The following SPART variants were observed in gnomAD, a reference collection of about 807,000 sequenced individuals.
The protein encoded by SPART is spastic paraplegia 20 (Troyer syndrome).
In SPART, 35 loss-of-function variants were observed where a neutral mutation model predicts 58.7. The observed-to-expected ratio is 0.60, with a 90% CI of 0.46 to 0.79. SPART has a LOEUF of 0.79. Among genes scored for constraint, SPART ranks in the 30% least tolerant of loss-of-function variants. SPART has a pLI of 0.00. For missense variants in SPART, 730 were observed against 786.1 expected (o/e 0.93, Z 0.85); for synonymous variants, 284 against 280.7 (o/e 1.01, Z -0.12).
intron 6 of SPART, 101 bp from the exon 7 acceptor site, chr13:36,312,578 T>C: frequency 2.4e-6 from 3 of 1,240,136 alleles, no homozygotes; most frequent in Non-Finnish European, 3.5e-6. Context: ...CTAAATTGTT[T>C]TACTATATAA....
chr13:36,341,260 T>A (rs1295788285), intron 1 of SPART, among the ~76,000 whole-genome samples: 1 of 152,180 alleles, frequency 6.6e-6, no homozygotes, highest in Non-Finnish European at 1.5e-5. Context: ...AGCAACTATG[T>A]CAAACAGAAC....
intron 1 of SPART, among the ~76,000 whole-genome samples, chr13:36,359,674 C>G (rs1156995749): frequency 6.6e-6 from 1 of 152,134 alleles, no homozygotes; most frequent in Non-Finnish European, 1.5e-5. Context: ...CTGTACTCCA[C>G]AAGAGACAGC....
At chr13:36,331,921 G>C (rs1321702714) in intron 2 of SPART, among the ~76,000 whole-genome samples, 2 of 151,934 alleles carry the variant, frequency 1.3e-5, no homozygotes, top group East Asian at 1.9e-4. Context: ...GTAAATTAAG[G>C]TTTTCGTTAT....
chr13:36,362,916 A>G (rs1885919737), intron 1 of SPART, among the ~76,000 whole-genome samples: 1 of 152,190 alleles, frequency 6.6e-6, no homozygotes, highest in Non-Finnish European at 1.5e-5. Context: ...CCTCTGTATT[A>G]ACTAATTTTC....
At chr13:36,304,830 T>G (rs1277451324) in intron 8 of SPART, among the ~76,000 whole-genome samples, 198 bp from the exon 9 acceptor site, 1 of 152,190 alleles carries the variant, frequency 6.6e-6, no homozygotes, top group South Asian at 2.1e-4. Flanking sequence ...ATTTTCTCCT[T>G]TAGTAAAAAC....
At position 36,303,841 on chromosome 13, in the gene SPART, T is replaced by C. The variant is rs1054141; in HGVS notation, c.*524A>G. The C allele has an allele frequency of 0.24, 37,681 of 154,252 alleles. 5,003 individuals carry two copies. The highest frequency in any genetic ancestry group is 0.51 in the East Asian group (2,659 of 5,194). The allele number at this position is 154,252 out of a possible 1,614,324, so 9.6% of individuals were successfully genotyped here. On this transcript the variant is annotated 3_prime_UTR_variant, in exon 9 of 9. Transcript: ENST00000438666. ...CAGTCTTTCCCTGTTTTGAACAAGT[T>C]TTTTTGAGAATTCTTAGTTTTAGTT...
Position 36,354,448 on chromosome 13 carries a change from G to A in SPART, c.-3+15641C>T, listed in dbSNP as rs192457011. 6.6e-5 allele frequency among the ~76,000 whole-genome samples: 10 copies of A among 152,052 alleles called. No individual in the cohort carries two copies. In the East Asian group the frequency reaches 1.9e-3, roughly 29 times the overall value. On this transcript the variant is annotated intron_variant, in intron 1 of 8. Coordinates refer to the SPART transcript ENST00000355182. ...TGGGAGCTTGATTCTGAGTTGCGGA[G>A]GTCAACCCTACAGGCACTGCATGCC...
At chr13:36,361,358 T>G (rs1885853322) in intron 1 of SPART, among the ~76,000 whole-genome samples, 1 of 152,152 alleles carries the variant, frequency 6.6e-6, no homozygotes, top group African/African-American at 2.4e-5. Flanking sequence ...GAGGGAACAT[T>G]AATATAATTT....
chr13:36,362,045 C>A (rs1019598311), intron 1 of SPART, among the ~76,000 whole-genome samples: 10 of 152,134 alleles, frequency 6.6e-5, no homozygotes, highest in Non-Finnish European at 5.9e-5. Flanking sequence ...TTGTACTAGA[C>A]CCCAGGCAAA....
chr13:36,361,345 C>A (rs564596540), intron 1 of SPART, among the ~76,000 whole-genome samples: 20 of 152,248 alleles, frequency 1.3e-4, no homozygotes, highest in South Asian at 4.1e-4. Flanking sequence ...ACAAGCACCA[C>A]CAGAGGGAAC....
At chr13:36,339,484 T>TA (rs1395396009) in intron 1 of SPART, among the ~76,000 whole-genome samples, 7 of 151,236 alleles carry the variant, frequency 4.6e-5, no homozygotes, top group African/African-American at 1.7e-4. Context: ...ACAAAAAAAT[T>TA]TCCAGGGCAT....
chr13:36,331,410 G>A lies in SPART; in HGVS notation c.997C>T (p.Leu333Phe), dbSNP rs781095727. ...FEDLLRQMSD[L>F]RLQANWNRAE... ...ATCACACAAGTTACCTGGAGCCGAA[G>A]GTCAGACATTTGCCTTAACAGATCC... Residue 333 changes from leucine (L) to phenylalanine (F), a missense_variant, in exon 3 of 9, where the codon CTT becomes TTT. Leu to Phe is a conservative substitution (Grantham distance 22). Transcript: ENST00000438666. 6.2e-7 allele frequency: 1 copy of A among 1,613,870 alleles called. No homozygotes were observed.
chr13:36,344,372 A>G (rs931008927), intron 1 of SPART, among the ~76,000 whole-genome samples: 3 of 152,292 alleles, frequency 2.0e-5, no homozygotes. Context: ...ACTGAGAAAG[A>G]AGAGTGTGCC....
chr13:36,338,011 T>C (rs1053714912), intron 1 of SPART, among the ~76,000 whole-genome samples: 2 of 152,124 alleles, frequency 1.3e-5, no homozygotes, highest in African/African-American at 4.8e-5. Flanking sequence ...CTGCAAAACT[T>C]ATGGTCAAAG....
chr13:36,338,896 C>T (rs754879888), intron 1 of SPART, among the ~76,000 whole-genome samples: 7 of 151,976 alleles, frequency 4.6e-5, no homozygotes, highest in Non-Finnish European at 5.9e-5. Flanking sequence ...AGCAATTCAC[C>T]GTTCAGAAGC....
intron 1 of SPART, among the ~76,000 whole-genome samples, chr13:36,342,135 A>C (rs749853790): frequency 3.3e-5 from 5 of 152,240 alleles, no homozygotes; most frequent in Non-Finnish European, 5.9e-5. Flanking sequence ...TTTGTGCTAC[A>C]TACGATAGGA....
chr13:36,329,308 T>C, intron 4 of SPART, 54 bp downstream of exon 4: 1 of 1,593,288 alleles, frequency 6.3e-7, no homozygotes, highest in Non-Finnish European at 8.6e-7. Flanking sequence ...TACATGAAAC[T>C]GGAGAAAGGT....
chr13:36,313,665 C>T (rs1335762537), intron 6 of SPART, among the ~76,000 whole-genome samples: 1 of 152,152 alleles, frequency 6.6e-6, no homozygotes, highest in East Asian at 1.9e-4. Context: ...CATTGTGTTA[C>T]AATTTCCTAT....
chr13:36,329,265 T>C, intron 4 of SPART, 97 bp downstream of exon 4: 1 of 1,403,750 alleles, frequency 7.1e-7, no homozygotes, highest in Non-Finnish European at 1.0e-6. Flanking sequence ...ACAAGTTGCT[T>C]TGCTTTAGTA....
Sources: allele counts gnomAD v4.1 joint callset (sites outside exome capture counted in the v4.1 genomes callset), GRCh38; gene constraint gnomAD v4.1.1; transcripts MANE v1.5; gene names NCBI Gene and HGNC (gene_info 2026-07-23, HGNC 2026-07-21).